The following PTGDR variants were observed in gnomAD, a reference collection of about 807,000 sequenced individuals.
The protein encoded by PTGDR is prostaglandin D2 receptor.
A neutral mutation model predicts 17.4 loss-of-function variants in PTGDR; 19 were observed. The observed-to-expected ratio is 1.09, with a 90% CI of 0.76 to 1.60. PTGDR has a LOEUF of 1.60. Among genes scored for constraint, PTGDR ranks in the 40% most tolerant of loss-of-function variants. The probability of loss-of-function intolerance (pLI) is 0.00; values close to 1 mark genes in which losing one functional copy is unlikely to be tolerated. For missense variants in PTGDR, 526 were observed against 481.9 expected (o/e 1.09, Z -0.86); for synonymous variants, 267 against 224.2 (o/e 1.19, Z -1.71).
chr14:52,271,982 C>G (rs1255336626), intron 1 of PTGDR, among the ~76,000 whole-genome samples: 5 of 152,034 alleles, frequency 3.3e-5, no homozygotes, highest in Admixed American at 6.5e-5. Flanking sequence ...AGTTTTTTTT[C>G]TATTTGCCCC....
rs963101795 is a variant in PTGDR at position 52,274,759 on chromosome 14, A to T, written c.875A>T (p.Asp292Val). Reference sequence around the variant, plus strand: ...CGCGCTTACTATGGAGCATTTAAGGATGTCAAGGAGAAAAACAGGACCTCT... The same window carrying T: ...CGCGCTTACTATGGAGCATTTAAGGTTGTCAAGGAGAAAAACAGGACCTCT... ...IYRAYYGAFK[D>V]VKEKNRTSEE... Residue 292 changes from aspartate (D) to valine (V), a missense_variant, in exon 2 of 2, where the codon GAT (aspartate) becomes GTT (valine). Asp to Val is a radical substitution (Grantham distance 152). Coordinates refer to ENST00000306051, the MANE Select transcript of PTGDR (RefSeq NM_000953.3). The T allele has an allele frequency of 3.1e-6, 5 of 1,613,058 alleles. No individual in the cohort carries two copies. Among genetic ancestry groups the T allele is most frequent in the Non-Finnish European group, 4.2e-6 (5 of 1,179,004 alleles).
chr14:52,271,761 T>G (rs1008494361), intron 1 of PTGDR, among the ~76,000 whole-genome samples: 1 of 152,246 alleles, frequency 6.6e-6, no homozygotes, highest in Non-Finnish European at 1.5e-5. Context: ...TAAAATTCAC[T>G]GTACACTTGT....
downstream of PTGDR, among the ~76,000 whole-genome samples, chr14:52,277,397 T>A (rs41315116): frequency 0.012 from 1,881 of 152,202 alleles, 35 homozygotes; most frequent in African/African-American, 0.043. Flanking sequence ...TAAGAGAAAA[T>A]ACATATGGTT....
rs148026040 is a variant in PTGDR, at chr14:52,269,119, G to C, written c.846+459G>C. Among the ~76,000 whole-genome samples, 27 of 152,270 alleles carry C rather than the reference G, an allele frequency of 1.8e-4. No homozygotes were observed. In the East Asian group the frequency reaches 4.8e-3, roughly 27 times the overall value. ...ATCAGAAATGGGCGAATGGCGTCTG[G>C]GACGATCTTCTCCCCGGTGTTGGCA... is the stretch of plus-strand genomic sequence containing the variant. On this transcript the variant is annotated intron_variant, in intron 1 of 1. Transcript: ENST00000306051.
At chr14:52,269,490 A>C (rs2033284823) in intron 1 of PTGDR, 6 of 1,535,242 alleles carry the variant, frequency 3.9e-6, no homozygotes, top group Non-Finnish European at 5.2e-6. Flanking sequence ...ACCTGGGAGT[A>C]GGTGAGGCTT....
rs761371915 is a variant in PTGDR at position 52,268,026 on chromosome 14, C to G, written c.212C>G (p.Thr71Ser). 4.3e-6 allele frequency: 7 copies of G among 1,611,000 alleles called. No homozygotes were observed. The highest frequency in any genetic ancestry group is 5.9e-6 in the Non-Finnish European group (7 of 1,180,032). ...FYMLVCGLTVTDLLGKCLLSP... is the reference protein window; with the variant it reads ...FYMLVCGLTVSDLLGKCLLSP... ...ATGCTGGTGTGTGGCCTGACGGTCACCGACTTGCTGGGCAAGTGCCTCCTA... is the reference window on the plus strand; with the variant it reads ...ATGCTGGTGTGTGGCCTGACGGTCAGCGACTTGCTGGGCAAGTGCCTCCTA... The change falls in exon 1 of 2, where the codon ACC (threonine) becomes AGC (serine). Residue 71 changes from threonine to serine, a missense_variant. By Grantham distance (58) the Thr-to-Ser change is moderately conservative. Coordinates refer to ENST00000306051, the MANE Select transcript of PTGDR (RefSeq NM_000953.3).
Position 52,271,000 on chromosome 14 carries a change from T to C in PTGDR, c.846+2340T>C, listed in dbSNP as rs557550261. Among the ~76,000 whole-genome samples the C allele has an allele frequency of 3.3e-5, 5 of 152,262 alleles. No individual in the cohort carries two copies. The South Asian group carries it at 1.0e-3, about 32-fold the overall frequency. ...TGACAGCATTCTTCACAAGAACCAC[T>C]ATTTTCTAGAGAGGATAAGGGCTTT... is the stretch of plus-strand genomic sequence containing the variant. On this transcript the variant is annotated intron_variant, in intron 1 of 1. Coordinates refer to ENST00000306051, the MANE Select transcript of PTGDR (RefSeq NM_000953.3).
chr14:52,272,862 G>C (rs186156720), intron 1 of PTGDR, among the ~76,000 whole-genome samples: 1 of 152,226 alleles, frequency 6.6e-6, no homozygotes, highest in East Asian at 1.9e-4. Flanking sequence ...TGATTAAATA[G>C]CTTGTACTTA....
intron 1 of PTGDR, chr14:52,269,404 G>C: frequency 7.1e-7 from 1 of 1,401,666 alleles, no homozygotes; most frequent in Non-Finnish European, 9.8e-7. Flanking sequence ...GTTTCAATTT[G>C]GTAATGAGGA....
chr14:52,273,232 C>T (rs532624842), intron 1 of PTGDR, among the ~76,000 whole-genome samples: 4 of 151,988 alleles, frequency 2.6e-5, no homozygotes, highest in Admixed American at 6.6e-5. Flanking sequence ...AGGCTGGTCT[C>T]GAACTCCTGA....
intron 1 of PTGDR, among the ~76,000 whole-genome samples, 179 bp from the exon 2 acceptor site, chr14:52,274,552 C>G (rs1288097293): frequency 1.3e-5 from 2 of 152,246 alleles, no homozygotes; most frequent in South Asian, 4.1e-4. Context: ...CACACCCCAC[C>G]TTCCCAGCTC....
intron 1 of PTGDR, among the ~76,000 whole-genome samples, chr14:52,272,942 T>C (rs948378714): frequency 6.6e-6 from 1 of 152,150 alleles, no homozygotes; most frequent in Admixed American, 6.5e-5. Context: ...CTCTCATCCA[T>C]CCCTGCTCCC....
chr14:52,280,859 A>G (rs1594624100), downstream of PTGDR, among the ~76,000 whole-genome samples: 1 of 152,208 alleles, frequency 6.6e-6, no homozygotes, highest in African/African-American at 2.4e-5. Context: ...GGAAAGGAAT[A>G]GACCTATCTC....
At chr14:52,269,591 A>G (rs2033286916) in intron 1 of PTGDR, 10 of 1,401,734 alleles carry the variant, frequency 7.1e-6, no homozygotes, top group Non-Finnish European at 8.7e-6. Context: ...TGCCAATCCC[A>G]CGTTCTCGAA....
downstream of PTGDR, among the ~76,000 whole-genome samples, chr14:52,279,856 G>A (rs1463811492): frequency 6.7e-6 from 1 of 149,010 alleles, no homozygotes; most frequent in Non-Finnish European, 1.5e-5. Flanking sequence ...AATACAGGGA[G>A]AAGATATAAG....
At chr14:52,269,522 C>G (rs755238876) in intron 1 of PTGDR, 1 of 1,534,818 alleles carries the variant, frequency 6.5e-7, no homozygotes, top group South Asian at 1.2e-5. Context: ...TTCAGTGCTG[C>G]TCCTCTCCTT....
chr14:52,267,988 C>T lies in PTGDR; in HGVS notation c.174C>T (p.Pro58=). The change falls in exon 1 of 2, where the codon CCC becomes CCT. Residue 58 remains proline, a synonymous_variant. Coordinates refer to ENST00000306051, the MANE Select transcript of PTGDR (RefSeq NM_000953.3). ...CGCGGCGTCCACTGCGCCCGCTGCCCTCGGTCTTCTACATGCTGGTGTGTG... is the reference window on the plus strand; with the variant it reads ...CGCGGCGTCCACTGCGCCCGCTGCCTTCGGTCTTCTACATGCTGGTGTGTG... The part of the protein sequence containing the change: ...WCSRRPLRPL[P]SVFYMLVCGL... 6.2e-7 allele frequency: 1 copy of T among 1,609,726 alleles called. No individual in the cohort carries two copies. Among genetic ancestry groups the T allele is most frequent in the Non-Finnish European group, 8.5e-7 (1 of 1,179,942 alleles).
intron 1 of PTGDR, among the ~76,000 whole-genome samples, chr14:52,271,689 A>T (rs1366534578): frequency 6.6e-6 from 1 of 152,264 alleles, no homozygotes; most frequent in Non-Finnish European, 1.5e-5. Context: ...AAACACAAGG[A>T]TAAACAACCA....
rs777793479 is a variant in PTGDR, at chr14:52,267,932, C to T, written c.118C>T (p.Leu40=). 6 of 1,610,268 alleles carry T rather than the reference C, an allele frequency of 3.7e-6. No homozygotes were observed. The highest frequency in any genetic ancestry group is 5.1e-6 in the Non-Finnish European group (6 of 1,179,114). Residue 40 remains leucine, a synonymous_variant, in exon 1 of 2, where the codon CTG becomes TTG. Transcript: ENST00000306051. ...CCTGGGCAACCTGCTGGCCCTGGGG[C>T]TGCTGGCGCGCTCGGGGCTGGGGTG... ...GLLGNLLALG[L]LARSGLGWCS... is the part of the protein sequence containing the mutation.
Sources: allele counts gnomAD v4.1 joint callset (sites outside exome capture counted in the v4.1 genomes callset), GRCh38; gene constraint gnomAD v4.1.1; transcripts MANE v1.5; gene names NCBI Gene and HGNC (gene_info 2026-07-23, HGNC 2026-07-21).